PARP8: variants seen among roughly 807,000 people sequenced by gnomAD.
PARP8 encodes protein mono-ADP-ribosyltransferase PARP8.
Under a neutral mutation model 124.1 loss-of-function variants are expected in PARP8, and 51 were observed. That is an observed-to-expected ratio of 0.41 (90% CI 0.33 to 0.52). The LOEUF is 0.52. Ranked by LOEUF, PARP8 falls within the 20% of genes least tolerant of loss-of-function variation. The pLI, the probability that PARP8 is intolerant of heterozygous loss-of-function variation, is 0.21. For missense variants in PARP8, 860 were observed against 1,018.9 expected, an observed-to-expected ratio of 0.84 and a Z score of 2.12; for synonymous variants, 391 against 361.5, an observed-to-expected ratio of 1.08 and a Z score of -0.93.
intron 2 of PARP8, among the ~76,000 whole-genome samples, chr5:50,716,516 A>C (rs920182091): frequency 6.6e-6 from 1 of 152,098 alleles, no homozygotes; most frequent in Non-Finnish European, 1.5e-5. Context: ...TTTCTTTATC[A>C]TGCTGGCTCA....
intron 18 of PARP8, among the ~76,000 whole-genome samples, chr5:50,825,743 T>C (rs1746274762): frequency 6.6e-6 from 1 of 152,152 alleles, no homozygotes. Context: ...AATACAAATG[T>C]AAGGCTTATA....
chr5:50,673,434 C>T (rs771359977), intron 2 of PARP8, among the ~76,000 whole-genome samples: 21 of 152,138 alleles, frequency 1.4e-4, no homozygotes, highest in Non-Finnish European at 3.1e-4. Context: ...TAAGCATCGT[C>T]TCTGCTGTTC....
chr5:50,778,664 C>T lies in PARP8; in HGVS notation c.670+14C>T, dbSNP rs750642726. ...TAAATGGCCCAGGTTAGTTTTATTTCTTTATTTATTATTTTGAATATTAAT... is the reference window on the plus strand; with the variant it reads ...TAAATGGCCCAGGTTAGTTTTATTTTTTTATTTATTATTTTGAATATTAAT... On this transcript the variant is annotated intron_variant, in intron 9 of 25. Transcript: ENST00000281631. 4.2e-5 allele frequency: 64 copies of T among 1,530,512 alleles called. No individual in the cohort carries two copies. The highest frequency in any genetic ancestry group is 5.6e-5 in the Non-Finnish European group (63 of 1,125,842). The allele number at this position is 1,530,512 out of a possible 1,614,324, so 94.8% of individuals were successfully genotyped here.
At chr5:50,667,288 C>T in intron 1 of PARP8, 102 bp downstream of exon 1, 1 of 1,231,984 alleles carries the variant, frequency 8.1e-7, no homozygotes, top group Non-Finnish European at 1.2e-6. Flanking sequence ...TGCACGTCCC[C>T]ATTCTGGGGT....
Position 50,843,832 on chromosome 5 carries a change from G to A in PARP8, c.*1764G>A, listed in dbSNP as rs556386516. 6.6e-6 allele frequency: 1 copy of A among 151,728 alleles called. No homozygotes were observed. Among genetic ancestry groups the A allele is most frequent in the Non-Finnish European group, 1.5e-5 (1 of 67,802 alleles). The allele number at this position is 151,728 out of a possible 1,614,324, so 9.4% of individuals were successfully genotyped here. ...GTTTTTAAAACATGTTTAAGCAACA[G>A]AATTATTTTTTTGAAATTAGTCTAT... is the stretch of plus-strand genomic sequence containing the variant. On this transcript the variant is annotated 3_prime_UTR_variant, in exon 26 of 26. Coordinates refer to ENST00000281631, the MANE Select transcript of PARP8 (RefSeq NM_024615.4).
At chr5:50,696,483 C>T (rs1231134927) in intron 2 of PARP8, among the ~76,000 whole-genome samples, 2 of 152,138 alleles carry the variant, frequency 1.3e-5, no homozygotes, top group Non-Finnish European at 2.9e-5. Context: ...GATAAGGCAG[C>T]CATAATTATA....
At chr5:50,672,950 TTGGCATATACA>T (rs1340097015) in intron 2 of PARP8, among the ~76,000 whole-genome samples, 1 of 152,196 alleles carries the variant, frequency 6.6e-6, no homozygotes, top group East Asian at 1.9e-4. Flanking sequence ...TCCAGAAATC[TTGGCATATACA>T]GTTACTTTGA....
intron 2 of PARP8, chr5:50,738,963 C>G (rs1561309662): frequency 2.8e-6 from 2 of 702,258 alleles, no homozygotes; most frequent in East Asian, 5.4e-5. Flanking sequence ...CTAAGCTCCA[C>G]ATTTTTCTGT....
intron 25 of PARP8, among the ~76,000 whole-genome samples, chr5:50,841,729 T>C (rs1041807357): frequency 1.2e-4 from 16 of 136,116 alleles, no homozygotes; most frequent in African/African-American, 4.0e-4. Context: ...TCAGACAGTC[T>C]TTTATGCGGG....
intron 5 of PARP8, among the ~76,000 whole-genome samples, chr5:50,761,237 A>C (rs1163258262): frequency 6.6e-6 from 1 of 152,112 alleles, no homozygotes; most frequent in Non-Finnish European, 1.5e-5. Flanking sequence ...GACACATGGC[A>C]GATGTGGCTC....
chr5:50,821,980 T>A (rs1745808136), intron 16 of PARP8, among the ~76,000 whole-genome samples: 1 of 152,198 alleles, frequency 6.6e-6, no homozygotes, highest in South Asian at 2.1e-4. Context: ...GGTTGTGAGA[T>A]TTGAAGTGGG....
chr5:50,832,841 G>A lies in PARP8; in HGVS notation c.2294G>A (p.Ser765Asn), dbSNP rs1747137327. 5.0e-6 allele frequency: 8 copies of A among 1,613,242 alleles called. No homozygotes were observed. The highest frequency in any genetic ancestry group is 6.8e-6 in the Non-Finnish European group (8 of 1,179,496). ...GAGCCAGCTTCAAGCAGTAAAAGCA[G>A]CAATACATCACAGGTGTTGTAGTGA... ...KDEPASSSKS[S>N]NTSQSQKKGQ... The change falls in exon 23 of 26, where the codon AGC becomes AAC. Residue 765 changes from serine (S) to asparagine (N), a missense_variant. Coordinates refer to ENST00000281631, the MANE Select transcript of PARP8 (RefSeq NM_024615.4).
chr5:50,825,115 G>T (rs528368483), intron 18 of PARP8, 140 bp downstream of exon 18: 12 of 689,010 alleles, frequency 1.7e-5, no homozygotes, highest in Non-Finnish European at 3.0e-5. Flanking sequence ...ATGAGACCTG[G>T]TGATTTTACA....
chr5:50,748,262 T>C lies in PARP8; in HGVS notation c.147-1889T>C, dbSNP rs150263630. On this transcript the variant is annotated intron_variant, in intron 2 of 25. Coordinates refer to ENST00000281631, the MANE Select transcript of PARP8 (RefSeq NM_024615.4). ...TCTGATAGTTATTATTTAGGGTTAA[T>C]ATATCATTTTACATCATATGTAAGG... Among the ~76,000 whole-genome samples the C allele has an allele frequency of 4.2e-3, 644 of 152,180 alleles. 5 individuals are homozygous for C. Among genetic ancestry groups the C allele is most frequent in the Non-Finnish European group, 6.6e-3 (446 of 67,992 alleles).
At chr5:50,831,134 A>C (rs1299890104) in intron 22 of PARP8, among the ~76,000 whole-genome samples, 4 of 152,224 alleles carry the variant, frequency 2.6e-5, no homozygotes, top group Non-Finnish European at 5.9e-5. Flanking sequence ...ATGGAAAGAA[A>C]ACTTTAAAAA....
At chr5:50,801,465 T>C (rs2149664847) in intron 14 of PARP8, among the ~76,000 whole-genome samples, 1 of 152,312 alleles carries the variant, frequency 6.6e-6, no homozygotes, top group East Asian at 1.9e-4. Flanking sequence ...TGGTCCGTTT[T>C]GTCTCAGATG....
chr5:50,794,177 G>A (rs554929701), intron 10 of PARP8, 30 bp from the exon 11 acceptor site: 9 of 1,594,960 alleles, frequency 5.6e-6, no homozygotes, highest in Admixed American at 5.1e-5. Context: ...CCTTGGAATG[G>A]TGATAACAGA....
chr5:50,680,790 C>G (rs2149445261), intron 2 of PARP8, among the ~76,000 whole-genome samples: 1 of 152,196 alleles, frequency 6.6e-6, no homozygotes, highest in East Asian at 1.9e-4. Context: ...AAATCAGACT[C>G]AAGTAAGAAA....
At chr5:50,773,397 C>A (rs1315127452) in intron 7 of PARP8, among the ~76,000 whole-genome samples, 3 of 152,186 alleles carry the variant, frequency 2.0e-5, no homozygotes, top group Admixed American at 6.5e-5. Context: ...TGTGCATGGA[C>A]AGTTTTCCCA....
Sources: allele counts gnomAD v4.1 joint callset (sites outside exome capture counted in the v4.1 genomes callset), GRCh38; gene constraint gnomAD v4.1.1; transcripts MANE v1.5; gene names NCBI Gene and HGNC (gene_info 2026-07-23, HGNC 2026-07-21).